The following SMARCA2 variants were observed in gnomAD, a reference collection of about 807,000 sequenced individuals.
SMARCA2 encodes SWI/SNF-related matrix-associated actin-dependent regulator of chromatin subfamily A member 2.
SMARCA2 carries 61 observed loss-of-function variants against 199.8 expected under a neutral mutation model. The ratio of observed to expected loss-of-function variants is 0.31; its 90% confidence interval spans 0.25 to 0.38. The LOEUF (loss-of-function observed/expected upper bound fraction) is 0.38, where lower values mean the gene tolerates loss of function less well. SMARCA2 is among the 10% of genes least tolerant of loss of function. The probability of loss-of-function intolerance (pLI) is 1.00; values close to 1 mark genes in which losing one functional copy is unlikely to be tolerated. For missense variants in SMARCA2, 1,344 were observed against 2,012.2 expected (o/e 0.67, Z 6.35); for synonymous variants, 935 against 732.0 (o/e 1.28, Z -4.48).
intron 2 of SMARCA2, 61 bp from the exon 3 acceptor site, chr9:2,032,891 C>T: frequency 1.3e-6 from 2 of 1,518,306 alleles, no homozygotes; most frequent in Non-Finnish European, 1.8e-6. Context: ...GGTCTGAAAA[C>T]TCCAAATAGA....
At chr9:2,112,865 A>G (rs1563776423) in intron 24 of SMARCA2, among the ~76,000 whole-genome samples, 1 of 152,218 alleles carries the variant, frequency 6.6e-6, no homozygotes, top group Non-Finnish European at 1.5e-5. Context: ...ATTGTTAGGC[A>G]CTTTGCATAC....
intron 19 of SMARCA2, among the ~76,000 whole-genome samples, chr9:2,095,584 A>G (rs897785257): frequency 6.6e-6 from 1 of 152,190 alleles, no homozygotes; most frequent in African/African-American, 2.4e-5. Context: ...CTTTTCTGTA[A>G]AAGAGCGGGC....
At chr9:2,015,781 T>C (rs571035826) in intron 1 of SMARCA2, among the ~76,000 whole-genome samples, 1 of 152,152 alleles carries the variant, frequency 6.6e-6, no homozygotes, top group Non-Finnish European at 1.5e-5. Context: ...GAGTGGGCAG[T>C]CAGAGGCGCT....
intron 27 of SMARCA2, among the ~76,000 whole-genome samples, chr9:2,152,912 T>C (rs1825150791): frequency 6.6e-6 from 1 of 151,996 alleles, no homozygotes; most frequent in South Asian, 2.1e-4. Context: ...AAGAAAGATG[T>C]AGGATCACAA....
At position 2,067,597 on chromosome 9, in the gene SMARCA2, G is replaced by C. The variant is rs192371858; in HGVS notation, c.1693-2821G>C. Among the ~76,000 whole-genome samples the C allele has an allele frequency of 1.2e-3, 179 of 152,304 alleles. 2 individuals carry two copies. Among genetic ancestry groups the C allele is most frequent in the African/African-American group, 3.9e-3 (164 of 41,570 alleles). On this transcript the variant is annotated intron_variant, in intron 9 of 33. Transcript: ENST00000349721. ...GCAGAAGCCCTAGGAAGCAGGCACTGTTTGTTACCGTTCCTATTTTATGCA... is the reference window on the plus strand; with the variant it reads ...GCAGAAGCCCTAGGAAGCAGGCACTCTTTGTTACCGTTCCTATTTTATGCA...
At chr9:2,081,797 T>C in intron 14 of SMARCA2, 35 bp from the exon 15 acceptor site, 1 of 1,602,662 alleles carries the variant, frequency 6.2e-7, no homozygotes, top group South Asian at 1.1e-5. Context: ...CCTGTGCAGA[T>C]CTTGGATAAT....
At chr9:2,174,484 C>T (rs560121556) in intron 29 of SMARCA2, among the ~76,000 whole-genome samples, 35 of 152,282 alleles carry the variant, frequency 2.3e-4, no homozygotes, top group South Asian at 8.3e-4. Flanking sequence ...CCGGTGCCTG[C>T]CACGACCCAC....
At chr9:2,144,112 A>G (rs900307309) in intron 27 of SMARCA2, among the ~76,000 whole-genome samples, 2 of 152,172 alleles carry the variant, frequency 1.3e-5, no homozygotes, top group African/African-American at 4.8e-5. Flanking sequence ...GCAGTCAATC[A>G]TTAGAGGAAA....
At chr9:2,180,080 G>C (rs181057613) in intron 29 of SMARCA2, among the ~76,000 whole-genome samples, 4 of 152,110 alleles carry the variant, frequency 2.6e-5, no homozygotes, top group African/African-American at 9.7e-5. Flanking sequence ...CGCATTTCTC[G>C]AAGAGATGTG....
At chr9:2,114,804 C>A (rs1048378950) in intron 24 of SMARCA2, among the ~76,000 whole-genome samples, 3 of 152,006 alleles carry the variant, frequency 2.0e-5, no homozygotes, top group Non-Finnish European at 4.4e-5. Flanking sequence ...GAAATAACAC[C>A]TATAATCTTA....
At chr9:2,141,671 A>AT (rs1824464860) in intron 27 of SMARCA2, among the ~76,000 whole-genome samples, 1 of 151,994 alleles carries the variant, frequency 6.6e-6, no homozygotes, top group Non-Finnish European at 1.5e-5. Context: ...TCTCTGGCCT[A>AT]TTTTTATTCA....
chr9:2,096,835 C>T, intron 20 of SMARCA2, 71 bp downstream of exon 20: 1 of 913,660 alleles, frequency 1.1e-6, no homozygotes, highest in Non-Finnish European at 1.8e-6. Context: ...ATTGAATATT[C>T]ACAGGAAGCA....
chr9:2,160,380 G>C, intron 27 of SMARCA2: 1 of 531,710 alleles, frequency 1.9e-6, no homozygotes, highest in South Asian at 2.7e-5. Context: ...TTGCTTCTAT[G>C]GATTTGCACA....
intron 27 of SMARCA2, among the ~76,000 whole-genome samples, chr9:2,155,558 G>A (rs1356723704): frequency 6.6e-6 from 1 of 152,164 alleles, no homozygotes; most frequent in Non-Finnish European, 1.5e-5. Context: ...TGGGATTACA[G>A]GCGTGAGCCA....
intron 27 of SMARCA2, chr9:2,159,475 T>C: frequency 4.6e-6 from 1 of 219,528 alleles, no homozygotes; most frequent in South Asian, 1.0e-4. Context: ...AGGTACAAAA[T>C]ACCAAAAAAG....
At chr9:2,107,982 G>T (rs1211201584) in intron 23 of SMARCA2, among the ~76,000 whole-genome samples, 2 of 152,110 alleles carry the variant, frequency 1.3e-5, no homozygotes, top group Admixed American at 1.3e-4. Context: ...GAAGTGGGGT[G>T]GTGTAAGGCA....
chr9:2,033,101 C>T lies in SMARCA2; in HGVS notation c.355+20C>T. The T allele has an allele frequency of 6.2e-7, 1 of 1,609,806 alleles. No individual in the cohort carries two copies. The highest frequency in any genetic ancestry group is 1.1e-5 in the South Asian group (1 of 90,320). ...GCCAAGGTTTGTGTCCGCTGCACAC[C>T]TGATACTGGTTCCCCAGCATAGTCT... On this transcript the variant is annotated intron_variant, in intron 3 of 33. Transcript: ENST00000349721.
intron 29 of SMARCA2, among the ~76,000 whole-genome samples, chr9:2,178,902 G>T (rs983608586): frequency 6.6e-6 from 1 of 152,216 alleles, no homozygotes; most frequent in East Asian, 1.9e-4. Flanking sequence ...TGAGTTTGAT[G>T]TCTGTAAGAG....
intron 12 of SMARCA2, among the ~76,000 whole-genome samples, chr9:2,074,590 G>A (rs1230042860): frequency 1.3e-5 from 2 of 152,170 alleles, no homozygotes; most frequent in African/African-American, 2.4e-5. Context: ...AACATGGTTG[G>A]GCATGGTGAC....
Sources: gnomAD v4.1 joint callset for allele counts (sites outside exome capture counted in the v4.1 genomes callset) on GRCh38, gnomAD v4.1.1 for gene constraint, MANE v1.5 for transcripts, NCBI Gene and HGNC (gene_info 2026-07-23, HGNC 2026-07-21) for gene names.